Variants in PCCA observed in about 807,000 individuals in gnomAD.
PCCA encodes the protein propionyl-CoA carboxylase alpha chain, mitochondrial.
Under a neutral mutation model 101.3 loss-of-function variants are expected in PCCA, and 74 were observed. The ratio of observed to expected loss-of-function variants is 0.73; its 90% CI spans 0.61 to 0.89. PCCA has a LOEUF of 0.89. Among genes scored for constraint, PCCA ranks in the 40% least tolerant of loss-of-function variants. The pLI is 0.00. For synonymous variants in PCCA, 294 were observed against 313.6 expected, an observed-to-expected ratio of 0.94 and a Z score of 0.66; for missense variants, 891 against 907.0, an observed-to-expected ratio of 0.98 and a Z score of 0.23.
intron 4 of PCCA, among the ~76,000 whole-genome samples, chr13:100,152,969 G>A (rs1406643071): frequency 6.6e-6 from 1 of 152,078 alleles, no homozygotes; most frequent in African/African-American, 2.4e-5. Context: ...ATGTGCCTAT[G>A]TGTATCTTTT....
chr13:100,250,928 A>G (rs2061709940), intron 8 of PCCA, among the ~76,000 whole-genome samples: 1 of 152,004 alleles, frequency 6.6e-6, no homozygotes, highest in Non-Finnish European at 1.5e-5. Context: ...CATAATTTCT[A>G]TTTCATTATA....
chr13:100,189,848 A>G (rs1422269457), intron 6 of PCCA, among the ~76,000 whole-genome samples: 1 of 152,158 alleles, frequency 6.6e-6, no homozygotes, highest in Non-Finnish European at 1.5e-5. Context: ...CACCTTTTTC[A>G]GCTTAAGATC....
chr13:100,172,567 G>C (rs1224484579), intron 6 of PCCA, among the ~76,000 whole-genome samples: 1 of 152,138 alleles, frequency 6.6e-6, no homozygotes, highest in African/African-American at 2.4e-5. Flanking sequence ...CATCATCCTT[G>C]ATCATACCAT....
chr13:100,438,841 A>G (rs1166825017), intron 20 of PCCA, among the ~76,000 whole-genome samples: 2 of 152,152 alleles, frequency 1.3e-5, no homozygotes, highest in Non-Finnish European at 2.9e-5. Context: ...TTCACAGAAT[A>G]ATACCCCAAA....
chr13:100,390,535 G>T (rs965733516), intron 19 of PCCA, among the ~76,000 whole-genome samples: 2 of 152,126 alleles, frequency 1.3e-5, no homozygotes, highest in African/African-American at 2.4e-5. Flanking sequence ...AAACCTTGAG[G>T]TATGCTAAAG....
chr13:100,417,697 C>T (rs2078467844), intron 19 of PCCA, among the ~76,000 whole-genome samples: 1 of 152,110 alleles, frequency 6.6e-6, no homozygotes. Context: ...TGTCATCTCT[C>T]CACTGCCTCC....
chr13:100,306,599 CT>C (rs2066471800), intron 14 of PCCA, among the ~76,000 whole-genome samples: 1 of 151,816 alleles, frequency 6.6e-6, no homozygotes, highest in African/African-American at 2.4e-5. Context: ...TGCTATCCCC[CT>C]ACCCCCCACC....
chr13:100,376,521 C>T (rs1487132203), intron 19 of PCCA, among the ~76,000 whole-genome samples: 2 of 152,224 alleles, frequency 1.3e-5, no homozygotes, highest in Non-Finnish European at 2.9e-5. Flanking sequence ...AGTGGGGCTG[C>T]TGCCTTTCTT....
At chr13:100,451,852 T>C (rs202118251) in intron 21 of PCCA, among the ~76,000 whole-genome samples, 1 of 110,606 alleles carries the variant, frequency 9.0e-6, no homozygotes, top group Non-Finnish European at 2.0e-5. Context: ...CTCCTCTCTC[T>C]CCTCTTCCTC....
At chr13:100,280,663 T>G (rs577458553) in intron 12 of PCCA, among the ~76,000 whole-genome samples, 40 of 152,342 alleles carry the variant, frequency 2.6e-4, no homozygotes, top group African/African-American at 7.5e-4. Context: ...AAGTGTATTC[T>G]AGTAGTCCCC....
chr13:100,151,208 G>A, intron 4 of PCCA: 2 of 623,408 alleles, frequency 3.2e-6, no homozygotes, highest in South Asian at 2.1e-5. Flanking sequence ...AAACACATCT[G>A]TTGTTCTAGT....
chr13:100,223,379 C>T (rs574186842), intron 7 of PCCA, among the ~76,000 whole-genome samples: 6 of 151,998 alleles, frequency 3.9e-5, no homozygotes, highest in Non-Finnish European at 7.4e-5. Flanking sequence ...CTGGTGGGTT[C>T]GTGGTCTTGC....
At chr13:100,473,989 T>A (rs2083223831) in intron 21 of PCCA, among the ~76,000 whole-genome samples, 2 of 152,238 alleles carry the variant, frequency 1.3e-5, no homozygotes, top group South Asian at 4.1e-4. Context: ...AAAATGCAGA[T>A]GCTTTTCAAT....
chr13:100,213,353 C>A (rs868035614), intron 7 of PCCA, among the ~76,000 whole-genome samples: 1 of 152,148 alleles, frequency 6.6e-6, no homozygotes. Context: ...GCATTCCCCC[C>A]AACACTATAC....
At chr13:100,174,727 C>CAA (rs35584409) in intron 6 of PCCA, among the ~76,000 whole-genome samples, 3 of 80,824 alleles carry the variant, frequency 3.7e-5, no homozygotes, top group Non-Finnish European at 2.4e-5. Context: ...GACCCCATCT[C>CAA]AAAAAAAAAA....
At position 100,199,244 on chromosome 13, in the gene PCCA, C is replaced by T. The variant is rs145164171; in HGVS notation, c.469-10088C>T. 2.7e-3 allele frequency among the ~76,000 whole-genome samples: 418 copies of T among 152,232 alleles called. 6 individuals carry two copies. The South Asian group carries it at 0.028, about 10-fold the overall frequency. Reference sequence around the variant, plus strand: ...ACCCATCTCAGTGCTAACCTCCGGCCTCTCTCTAAACATACCCATTCCTTT... The same window carrying T: ...ACCCATCTCAGTGCTAACCTCCGGCTTCTCTCTAAACATACCCATTCCTTT... On this transcript the variant is annotated intron_variant, in intron 6 of 23. Transcript: ENST00000376285.
chr13:100,243,935 G>A (rs1478743694), intron 8 of PCCA, among the ~76,000 whole-genome samples: 1 of 152,046 alleles, frequency 6.6e-6, no homozygotes, highest in East Asian at 1.9e-4. Flanking sequence ...ATACTTAAGA[G>A]GGATAAAAAT....
intron 6 of PCCA, among the ~76,000 whole-genome samples, chr13:100,177,206 G>C (rs1475181927): frequency 1.6e-4 from 25 of 152,218 alleles, no homozygotes; most frequent in Admixed American, 1.6e-3. Flanking sequence ...TAAGCAACTT[G>C]TCAAGTGACA....
chr13:100,455,463 T>C lies in PCCA; in HGVS notation c.1899+6158T>C, dbSNP rs546204289. 2.0e-5 allele frequency among the ~76,000 whole-genome samples: 3 copies of C among 152,338 alleles called. No individual in the cohort carries two copies. The East Asian group carries it at 5.8e-4, about 29-fold the overall frequency. On this transcript the variant is annotated intron_variant, in intron 21 of 23. Transcript: ENST00000376285. ...GTTTTTAAACTTGATATACATAGAA[T>C]TATATTCTGGAATCATCTGTGACTT...
Sources: gnomAD v4.1 joint callset for allele counts (sites outside exome capture counted in the v4.1 genomes callset) on GRCh38, gnomAD v4.1.1 for gene constraint, MANE v1.5 for transcripts, NCBI Gene and HGNC (gene_info 2026-07-23, HGNC 2026-07-21) for gene names.